The following SP140L variants were observed in gnomAD, a reference collection of about 807,000 sequenced individuals.
The protein encoded by SP140L is nuclear body protein SP140-like protein.
In SP140L, 64 loss-of-function variants were observed where a neutral mutation model predicts 84.3. The ratio of observed to expected loss-of-function variants is 0.76; its 90% CI spans 0.62 to 0.94. The LOEUF (loss-of-function observed/expected upper bound fraction) is 0.94, where lower values mean the gene tolerates loss of function less well. SP140L is among the 40% of genes least tolerant of loss of function. The pLI is 0.00. For synonymous variants in SP140L, 242 were observed against 236.9 expected (o/e 1.02, Z -0.20); for missense variants, 628 against 692.5 (o/e 0.91, Z 1.05).
Position 230,370,900 on chromosome 2 carries a change from T to A in SP140L, c.524-8T>A, listed in dbSNP as rs199715381. On this transcript the variant is annotated splice_region_variant and splice_polypyrimidine_tract_variant and intron_variant, in intron 5 of 18. Coordinates refer to ENST00000415673, the MANE Select transcript of SP140L (RefSeq NM_138402.6). ...ATGAGAAGTGTTCCTATGTCATGTGTTTCTCAGGAGAAGTGCCAGAAAGCC... is the reference window on the plus strand; with the variant it reads ...ATGAGAAGTGTTCCTATGTCATGTGATTCTCAGGAGAAGTGCCAGAAAGCC... The A allele has an allele frequency of 6.2e-7, 1 of 1,613,092 alleles. No individual in the cohort carries two copies. The highest frequency in any genetic ancestry group is 1.3e-5 in the African/African-American group (1 of 74,892).
chr2:230,339,962 A>G (rs2059990705), intron 2 of SP140L, among the ~76,000 whole-genome samples: 1 of 151,096 alleles, frequency 6.6e-6, no homozygotes, highest in South Asian at 2.1e-4. Context: ...AAAAATGTAT[A>G]TTCTGTTGAT....
intron 7 of SP140L, among the ~76,000 whole-genome samples, chr2:230,377,067 T>C (rs1283107772): frequency 6.6e-6 from 1 of 152,246 alleles, no homozygotes; most frequent in Non-Finnish European, 1.5e-5. Flanking sequence ...TTAACAAATG[T>C]GTGCAGTTAT....
chr2:230,351,699 T>A (rs371850319), intron 2 of SP140L, among the ~76,000 whole-genome samples: 4 of 152,144 alleles, frequency 2.6e-5, no homozygotes, highest in Admixed American at 2.6e-4. Context: ...CAGCCCAGAG[T>A]GCAGTGGTGT....
Position 230,348,130 on chromosome 2 carries a change from C to A in SP140L, c.108-9675C>A, listed in dbSNP as rs570693714. ...TGGAGAAACTTTGGGCTCAGGAAAA[C>A]CCTCTTGATATGGCACTTTGCCAGC... is the stretch of plus-strand genomic sequence containing the variant. On this transcript the variant is annotated intron_variant, in intron 2 of 18. Coordinates refer to ENST00000415673, the MANE Select transcript of SP140L (RefSeq NM_138402.6). Among the ~76,000 whole-genome samples, 51 of 152,208 alleles carry A rather than the reference C, an allele frequency of 3.4e-4. 1 individual carries two copies. Among genetic ancestry groups the A allele is most frequent in the Non-Finnish European group, 4.4e-4 (30 of 68,036 alleles).
At chr2:230,382,181 C>G (rs987571698) in intron 7 of SP140L, among the ~76,000 whole-genome samples, 2 of 138,612 alleles carry the variant, frequency 1.4e-5, no homozygotes, top group African/African-American at 5.4e-5. Flanking sequence ...CCCACCCCAA[C>G]AAATGACTGA....
At chr2:230,361,521 C>G (rs762516496) in intron 4 of SP140L, 93 bp from the exon 5 acceptor site, 2 of 821,528 alleles carry the variant, frequency 2.4e-6, no homozygotes, top group Non-Finnish European at 3.8e-6. Context: ...TCTGAGTCAG[C>G]CTAATGCTGG....
chr2:230,356,606 G>A (rs1318415677), intron 2 of SP140L, among the ~76,000 whole-genome samples: 2 of 152,146 alleles, frequency 1.3e-5, no homozygotes, highest in Non-Finnish European at 2.9e-5. Flanking sequence ...CAGTATGCAG[G>A]TTCACAGGCA....
intron 7 of SP140L, chr2:230,372,756 C>A (rs2061127217): frequency 6.8e-6 from 1 of 147,334 alleles, no homozygotes; most frequent in South Asian, 2.1e-4. Context: ...AAGAAAGAGT[C>A]ACATGTACTC....
intron 10 of SP140L, 109 bp from the exon 11 acceptor site, chr2:230,389,810 G>A: frequency 4.8e-6 from 5 of 1,052,080 alleles, no homozygotes; most frequent in Non-Finnish European, 5.6e-6. Context: ...AGAGATTTAT[G>A]GAATAGAATT....
chr2:230,338,957 C>CT (rs1189391105), intron 2 of SP140L, among the ~76,000 whole-genome samples: 3 of 138,648 alleles, frequency 2.2e-5, no homozygotes, highest in African/African-American at 8.4e-5. Context: ...CTAAAATTCT[C>CT]TTTTTTTGTT....
intron 2 of SP140L, among the ~76,000 whole-genome samples, chr2:230,354,963 G>C (rs1352959231): frequency 6.6e-6 from 1 of 151,518 alleles, no homozygotes; most frequent in Admixed American, 6.6e-5. Context: ...AGAAAGAAAG[G>C]GAAAGAGGTA....
At chr2:230,388,785 A>C in intron 10 of SP140L, 152 bp downstream of exon 10, 1 of 756,442 alleles carries the variant, frequency 1.3e-6, no homozygotes, top group Non-Finnish European at 2.0e-6. Flanking sequence ...CATTTTCCAA[A>C]ATGTATCAAG....
At chr2:230,377,797 C>T (rs937022673) in intron 7 of SP140L, among the ~76,000 whole-genome samples, 1 of 152,126 alleles carries the variant, frequency 6.6e-6, no homozygotes, top group African/African-American at 2.4e-5. Flanking sequence ...ACATACTCAC[C>T]AATACTTGAT....
intron 2 of SP140L, among the ~76,000 whole-genome samples, chr2:230,337,487 T>C (rs976667171): frequency 2.0e-5 from 3 of 150,758 alleles, no homozygotes; most frequent in African/African-American, 7.3e-5. Context: ...GTGCAGAAGC[T>C]CTTTAGTTTA....
chr2:230,337,657 G>A (rs1256147838), intron 2 of SP140L, among the ~76,000 whole-genome samples: 1 of 152,200 alleles, frequency 6.6e-6, no homozygotes, highest in African/African-American at 2.4e-5. Flanking sequence ...AATCCACCTT[G>A]AATTAATTTT....
chr2:230,346,640 T>G (rs2060217672), intron 2 of SP140L, among the ~76,000 whole-genome samples: 1 of 152,238 alleles, frequency 6.6e-6, no homozygotes, highest in Non-Finnish European at 1.5e-5. Context: ...GTTCACTGAT[T>G]CTTTCTTCTG....
chr2:230,363,345 A>G (rs1197229231), intron 5 of SP140L, among the ~76,000 whole-genome samples: 1 of 152,094 alleles, frequency 6.6e-6, no homozygotes, highest in Non-Finnish European at 1.5e-5. Flanking sequence ...AGTCTTTTTG[A>G]TAATAGCCAT....
chr2:230,333,061 C>T (rs1436681641), intron 2 of SP140L, among the ~76,000 whole-genome samples: 2 of 152,042 alleles, frequency 1.3e-5, no homozygotes, highest in African/African-American at 4.8e-5. Flanking sequence ...AACCTCACAA[C>T]TGTATGAAAA....
intron 2 of SP140L, among the ~76,000 whole-genome samples, chr2:230,345,362 T>G (rs977229208): frequency 5.5e-4 from 84 of 152,220 alleles, no homozygotes; most frequent in Admixed American, 5.3e-3. Flanking sequence ...TCTTTTTCCA[T>G]ACCTTCACCT....
Sources: allele counts gnomAD v4.1 joint callset (sites outside exome capture counted in the v4.1 genomes callset), GRCh38; gene constraint gnomAD v4.1.1; transcripts MANE v1.5; gene names NCBI Gene and HGNC (gene_info 2026-07-23, HGNC 2026-07-21).